Variants in CEP57 observed in about 807,000 individuals in gnomAD.
The protein encoded by CEP57 is centrosomal protein 57, also known as centrosomal protein of 57 kDa.
CEP57 carries 40 observed loss-of-function variants against 68.0 expected under a neutral mutation model. The observed-to-expected ratio is 0.59, with a 90% CI of 0.46 to 0.77. CEP57 has a LOEUF of 0.77. Among genes scored for constraint, CEP57 ranks in the 30% least tolerant of loss-of-function variants. The pLI is 0.00. For synonymous variants in CEP57, 219 were observed against 198.7 expected (o/e 1.10, Z -0.86); for missense variants, 606 against 580.7 (o/e 1.04, Z -0.45).
intron 2 of CEP57, among the ~76,000 whole-genome samples, chr11:95,811,904 G>C (rs1452183221): frequency 6.6e-6 from 1 of 151,766 alleles, no homozygotes; most frequent in Non-Finnish European, 1.5e-5. Flanking sequence ...TTGCCTGAGG[G>C]AATTCTCACT....
chr11:95,827,155 TAAAAC>T (rs1862777629), intron 8 of CEP57: 1 of 152,534 alleles, frequency 6.6e-6, no homozygotes, highest in African/African-American at 2.4e-5. Flanking sequence ...GTTTAGTGTT[TAAAAC>T]AAAAGCAAAA....
chr11:95,831,196 GAAGGACATGCA>G lies in CEP57; in HGVS notation c.1447_1457del (p.Asp483HisfsTer9). Reference sequence around the variant, plus strand: ...AAAGGAGAAAAAATCTTCAGTTATTGAAGGACATGCAAAGCATACAGAATTCATTACAAAGC... The same window carrying G: ...AAAGGAGAAAAAATCTTCAGTTATTGAAGCATACAGAATTCATTACAAAGC... On this transcript the variant is annotated frameshift_variant, in exon 11 of 11. Transcript: ENST00000325542. LOFTEE classifies it high-confidence loss of function. 3 of 1,613,586 alleles carry G rather than the reference GAAGGACATGCA, an allele frequency of 1.9e-6. No individual in the cohort carries two copies. In the Middle Eastern group the frequency reaches 5.0e-4, roughly 266 times the overall value.
Position 95,831,425 on chromosome 11 carries a change from A to C in CEP57, c.*169A>C. On this transcript the variant is annotated 3_prime_UTR_variant, in exon 11 of 11. Coordinates refer to ENST00000325542, the MANE Select transcript of CEP57 (RefSeq NM_014679.5). Reference sequence around the variant, plus strand: ...CTTTTCATGTATGCAGGATGACTCAATGTTAAAGCATTTAAATGGAAACCA... The same window carrying C: ...CTTTTCATGTATGCAGGATGACTCACTGTTAAAGCATTTAAATGGAAACCA... 1 of 564,638 alleles carries C rather than the reference A, an allele frequency of 1.8e-6. No homozygotes were observed. The highest frequency in any genetic ancestry group is 3.2e-6 in the Non-Finnish European group (1 of 315,428). The allele number at this position is 564,638 out of a possible 1,614,324, so 35.0% of individuals were successfully genotyped here.
At chr11:95,800,659 G>C (rs1861538200) in intron 2 of CEP57, among the ~76,000 whole-genome samples, 1 of 152,122 alleles carries the variant, frequency 6.6e-6, no homozygotes, top group African/African-American at 2.4e-5. Context: ...CAAAGTGCTG[G>C]GATTACAGGC....
intron 2 of CEP57, among the ~76,000 whole-genome samples, chr11:95,799,743 C>T (rs1861494279): frequency 6.6e-6 from 1 of 152,126 alleles, no homozygotes; most frequent in South Asian, 2.1e-4. Flanking sequence ...CATCTGTAGC[C>T]CAGATGTTCA....
chr11:95,831,012 G>A lies in CEP57; in HGVS notation c.1273-14G>A, dbSNP rs765062367. The A allele has an allele frequency of 9.4e-5, 148 of 1,577,772 alleles. No individual in the cohort carries two copies. The highest frequency in any genetic ancestry group is 1.2e-4 in the Non-Finnish European group (142 of 1,147,512). On this transcript the variant is annotated splice_polypyrimidine_tract_variant and intron_variant, in intron 10 of 10. Coordinates refer to ENST00000325542, the MANE Select transcript of CEP57 (RefSeq NM_014679.5). ...AATTCTCCTTTTCCTTCCTGCCTTG[G>A]TTATTTGGTATAGCTGGAGAAACAG...
At chr11:95,813,238 C>G (rs934460203) in intron 3 of CEP57, 127 bp downstream of exon 3, 5 of 1,094,444 alleles carry the variant, frequency 4.6e-6, no homozygotes, top group Admixed American at 2.2e-5. Context: ...GCATTGTATT[C>G]TGGTGCATTT....
intron 1 of CEP57, among the ~76,000 whole-genome samples, chr11:95,796,145 TTA>T (rs772691637): frequency 6.6e-6 from 1 of 152,232 alleles, no homozygotes; most frequent in Non-Finnish European, 1.5e-5. Context: ...CATGTGCCAC[TTA>T]TAAAGAAAGC....
Position 95,827,948 on chromosome 11 carries a change from C to G in CEP57, c.1048C>G (p.Pro350Ala). ...GGKSKKLSVT[P>A]PSSNGINEEL... ...TAAAAGTAAGAAGTTGTCAGTAACA[C>G]CTCCCTCCTCCAACGGTATTAATGA... Residue 350 changes from proline (P) to alanine (A), a missense_variant, in exon 9 of 11, where the codon CCT becomes GCT. Physicochemically the swap from Pro to Ala is conservative, Grantham distance 27 (BLOSUM62 -1). Transcript: ENST00000325542. 6.2e-7 allele frequency: 1 copy of G among 1,614,026 alleles called. No individual in the cohort carries two copies. The highest frequency in any genetic ancestry group is 1.3e-5 in the African/African-American group (1 of 75,008).
At chr11:95,816,540 A>G (rs1395558471) in intron 4 of CEP57, among the ~76,000 whole-genome samples, 2 of 152,250 alleles carry the variant, frequency 1.3e-5, no homozygotes, top group African/African-American at 4.8e-5. Context: ...GGAGACAACT[A>G]TTAGGCATAT....
At chr11:95,808,109 G>C (rs944598874) in intron 2 of CEP57, among the ~76,000 whole-genome samples, 9 of 151,988 alleles carry the variant, frequency 5.9e-5, no homozygotes, top group Non-Finnish European at 1.0e-4. Flanking sequence ...TTCATATCCA[G>C]CCAAACTAAG....
In CEP57 at chr11:95,831,257, C is replaced by T. The variant is rs1216148512; in HGVS notation, c.*1C>T. ...CAGTAGTTTGTGTTGGGATTACTGA[C>T]TCATAACCAGGTCAGAAATTTTATT... On this transcript the variant is annotated 3_prime_UTR_variant, in exon 11 of 11. Coordinates refer to ENST00000325542, the MANE Select transcript of CEP57 (RefSeq NM_014679.5). 3.7e-6 allele frequency: 6 copies of T among 1,601,712 alleles called. No individual in the cohort carries two copies. In the African/African-American group the frequency reaches 8.0e-5, roughly 21 times the overall value.
chr11:95,817,982 T>C (rs1302932794), intron 5 of CEP57, 79 bp downstream of exon 5: 2 of 813,494 alleles, frequency 2.5e-6, no homozygotes, highest in African/African-American at 3.4e-5. Context: ...CATCACTGGA[T>C]ATTTATAGCA....
At chr11:95,829,361 T>C in intron 10 of CEP57, 30 bp downstream of exon 10, 2 of 1,591,486 alleles carry the variant, frequency 1.3e-6, no homozygotes, top group Non-Finnish European at 1.7e-6. Context: ...CTCAAGTTTC[T>C]AATGATTAAG....
chr11:95,821,094 A>G (rs1032374460), intron 6 of CEP57, among the ~76,000 whole-genome samples: 3 of 152,236 alleles, frequency 2.0e-5, no homozygotes. Flanking sequence ...GGCCAAAATC[A>G]TGAGATCTGG....
rs916769738 is a variant in CEP57, at chr11:95,830,481, G to A, written c.1273-545G>A. Among the ~76,000 whole-genome samples the A allele has an allele frequency of 5.9e-5, 9 of 152,134 alleles. No homozygotes were observed. In the South Asian group the frequency reaches 6.2e-4, roughly 11 times the overall value. On this transcript the variant is annotated intron_variant, in intron 10 of 10. Transcript: ENST00000325542. ...TGGCTAAAGTAAAAATAAAGCTCCC[G>A]TATTTAAAATTATTCTAAAAATAAT...
chr11:95,828,539 G>A (rs1228868910), intron 9 of CEP57, among the ~76,000 whole-genome samples: 1 of 152,076 alleles, frequency 6.6e-6, no homozygotes, highest in Non-Finnish European at 1.5e-5. Flanking sequence ...TGTATATGTG[G>A]TCTGTTGTTT....
intron 2 of CEP57, among the ~76,000 whole-genome samples, chr11:95,808,355 TC>T (rs1198172521): frequency 6.6e-6 from 1 of 151,198 alleles, no homozygotes; most frequent in African/African-American, 2.4e-5. Flanking sequence ...AGGATCAAAT[TC>T]ACACATAACA....
At chr11:95,807,297 G>C (rs758793225) in intron 2 of CEP57, among the ~76,000 whole-genome samples, 2 of 152,144 alleles carry the variant, frequency 1.3e-5, no homozygotes, top group Non-Finnish European at 2.9e-5. Context: ...CCAAAAATCA[G>C]AGCACCTCTT....
Sources: gnomAD v4.1 joint callset for allele counts (sites outside exome capture counted in the v4.1 genomes callset) on GRCh38, gnomAD v4.1.1 for gene constraint, MANE v1.5 for transcripts, NCBI Gene and HGNC (gene_info 2026-07-23, HGNC 2026-07-21) for gene names.